The following ZNF827 variants were observed in gnomAD, a reference collection of about 807,000 sequenced individuals.
ZNF827 encodes zinc finger protein 827.
Under a neutral mutation model 102.4 loss-of-function variants are expected in ZNF827, and 13 were observed. The ratio of observed to expected loss-of-function variants is 0.13; its 90% confidence interval spans 0.08 to 0.20. The LOEUF is 0.20. Ranked by LOEUF, ZNF827 falls within the 10% of genes least tolerant of loss-of-function variation. The pLI, the probability that ZNF827 is intolerant of heterozygous loss-of-function variation, is 1.00. For synonymous variants in ZNF827, 523 were observed against 536.2 expected, an observed-to-expected ratio of 0.98 and a Z score of 0.34; for missense variants, 1,103 against 1,344.4, an observed-to-expected ratio of 0.82 and a Z score of 2.81.
chr4:145,787,880 G>C (rs1214284900), intron 8 of ZNF827, among the ~76,000 whole-genome samples: 2 of 152,140 alleles, frequency 1.3e-5, no homozygotes, highest in East Asian at 3.8e-4. Flanking sequence ...ATCTTGCACA[G>C]GGTCAAGTAA....
chr4:145,778,647 T>C (rs1361595472), intron 9 of ZNF827, among the ~76,000 whole-genome samples: 3 of 152,164 alleles, frequency 2.0e-5, no homozygotes, highest in African/African-American at 7.2e-5. Context: ...CTTGTCTTAT[T>C]AATACTTCCT....
intron 8 of ZNF827, among the ~76,000 whole-genome samples, chr4:145,782,457 C>G (rs1738227029): frequency 6.6e-6 from 1 of 152,174 alleles, no homozygotes; most frequent in Non-Finnish European, 1.5e-5. Flanking sequence ...ACTTTGGAAT[C>G]TTTTTTGATT....
chr4:145,898,642 TG>T (rs1751164650), intron 2 of ZNF827, among the ~76,000 whole-genome samples: 1 of 152,188 alleles, frequency 6.6e-6, no homozygotes, highest in Non-Finnish European at 1.5e-5. Context: ...TAGCATGTGC[TG>T]GGGGCGCAGG....
chr4:145,863,768 C>T (rs1235317498), intron 5 of ZNF827, among the ~76,000 whole-genome samples: 2 of 151,568 alleles, frequency 1.3e-5, no homozygotes, highest in Non-Finnish European at 2.9e-5. Flanking sequence ...CTCATGGGCT[C>T]GACATTTTTG....
Position 145,831,700 on chromosome 4 carries a change from C to A in ZNF827, c.2280-8175G>T, listed in dbSNP as rs192465020. 3 of 152,284 alleles carry A rather than the reference C, an allele frequency of 2.0e-5. No individual in the cohort carries two copies. In the East Asian group the frequency reaches 5.8e-4, roughly 29 times the overall value. 9.4% of individuals were successfully genotyped at this position (152,284 alleles called of 1,614,324 possible). On this transcript the variant is annotated intron_variant, in intron 7 of 14. Coordinates refer to ENST00000508784, the MANE Select transcript of ZNF827 (RefSeq NM_001306215.2). ...GATGTGAACTAGCATCATGGAAAAT[C>A]TCCTTACTTTTTAGAGATATATACC...
At chr4:145,874,412 T>C (rs2126775345) in intron 4 of ZNF827, among the ~76,000 whole-genome samples, 1 of 152,320 alleles carries the variant, frequency 6.6e-6, no homozygotes, top group Non-Finnish European at 1.5e-5. Context: ...CCCAAACATT[T>C]GGGTCTCAAT....
chr4:145,765,536 C>G lies in ZNF827; in HGVS notation c.3052+11G>C. The G allele has an allele frequency of 1.9e-6, 3 of 1,605,336 alleles. No homozygotes were observed. Among genetic ancestry groups the G allele is most frequent in the Non-Finnish European group, 2.6e-6 (3 of 1,175,600 alleles). ...GAGGGTTGAGCAGGCTCACACCCAC[C>G]TCCTCCTTACCTTTCTCTGGCTTTT... On this transcript the variant is annotated intron_variant, in intron 12 of 14. Coordinates refer to ENST00000508784, the MANE Select transcript of ZNF827 (RefSeq NM_001306215.2). The surrounding 1 kb of genome is among the most constrained non-coding windows in gnomAD (Gnocchi z 4.7).
At chr4:145,842,540 C>T (rs183651779) in intron 7 of ZNF827, among the ~76,000 whole-genome samples, 189 of 152,218 alleles carry the variant, frequency 1.2e-3, no homozygotes, top group Middle Eastern at 6.8e-3. Flanking sequence ...AGATAAATAA[C>T]GATAAACAAT....
At chr4:145,841,192 A>G (rs1274973829) in intron 7 of ZNF827, among the ~76,000 whole-genome samples, 2 of 152,320 alleles carry the variant, frequency 1.3e-5, no homozygotes, top group Non-Finnish European at 2.9e-5. Flanking sequence ...CATTGTTTGA[A>G]GTTCATGGTG....
chr4:145,901,700 G>T (rs146128402), intron 2 of ZNF827, among the ~76,000 whole-genome samples: 2 of 152,208 alleles, frequency 1.3e-5, no homozygotes. Context: ...AATTAGGGCA[G>T]AGTAGTTCCT....
At chr4:145,899,419 C>T (rs188196775) in intron 2 of ZNF827, among the ~76,000 whole-genome samples, 2 of 152,126 alleles carry the variant, frequency 1.3e-5, no homozygotes, top group East Asian at 1.9e-4. Context: ...CCCAGTAACA[C>T]CAAATCATGT....
At chr4:145,787,102 C>T (rs549897839) in intron 8 of ZNF827, among the ~76,000 whole-genome samples, 1 of 152,324 alleles carries the variant, frequency 6.6e-6, no homozygotes, top group East Asian at 1.9e-4. Flanking sequence ...AGGACCATTA[C>T]ACTCACCCAA....
At chr4:145,869,257 G>A (rs1031657190) in intron 5 of ZNF827, among the ~76,000 whole-genome samples, 1 of 152,170 alleles carries the variant, frequency 6.6e-6, no homozygotes. Context: ...TAACGACTAA[G>A]TAAATCACTG....
Position 145,765,448 on chromosome 4 carries a change from T to C in ZNF827, c.3052+99A>G. The C allele has an allele frequency of 7.2e-7, 1 of 1,389,166 alleles. No individual in the cohort carries two copies. The highest frequency in any genetic ancestry group is 2.3e-5 in the East Asian group (1 of 42,614). 86.1% of individuals were successfully genotyped at this position (1,389,166 alleles called of 1,614,324 possible). On this transcript the variant is annotated intron_variant, in intron 12 of 14. Coordinates refer to ENST00000508784, the MANE Select transcript of ZNF827 (RefSeq NM_001306215.2). The surrounding 1 kb of genome is among the most constrained non-coding windows in gnomAD (Gnocchi z 4.7). The stretch of plus-strand genomic sequence containing the variant: ...CCAGCATACTGCATCCTGGGCCTAT[T>C]ATCAGTTTTTGACATCGCTCCTGTG...
At chr4:145,817,270 G>A (rs1166536300) in intron 8 of ZNF827, among the ~76,000 whole-genome samples, 3 of 152,086 alleles carry the variant, frequency 2.0e-5, no homozygotes, top group Admixed American at 2.0e-4. Flanking sequence ...TAGCAGTAAA[G>A]CCCCTAGACT....
intron 8 of ZNF827, among the ~76,000 whole-genome samples, chr4:145,812,960 T>C (rs1328779127): frequency 1.3e-5 from 2 of 152,196 alleles, no homozygotes; most frequent in Non-Finnish European, 1.5e-5. Flanking sequence ...ATTCCACAAA[T>C]AAACATTTCA....
At chr4:145,884,774 T>G (rs1263749384) in intron 4 of ZNF827, among the ~76,000 whole-genome samples, 1 of 152,206 alleles carries the variant, frequency 6.6e-6, no homozygotes, top group South Asian at 2.1e-4. Context: ...ATAGAAAGAA[T>G]GTCAACTAAT....
chr4:145,827,592 G>C (rs1743816644), intron 7 of ZNF827, among the ~76,000 whole-genome samples: 1 of 152,196 alleles, frequency 6.6e-6, no homozygotes, highest in African/African-American at 2.4e-5. Flanking sequence ...GAGGTCGTTA[G>C]CTGTTTGTAA....
At chr4:145,863,935 T>C (rs1191815152) in intron 5 of ZNF827, among the ~76,000 whole-genome samples, 1 of 152,186 alleles carries the variant, frequency 6.6e-6, no homozygotes, top group Non-Finnish European at 1.5e-5. Context: ...GGCTCACCCC[T>C]GTAATCCTAG....
Sources: allele counts gnomAD v4.1 joint callset (sites outside exome capture counted in the v4.1 genomes callset), GRCh38; gene constraint gnomAD v4.1.1; non-coding constraint Gnocchi (gnomAD v3.1); transcripts MANE v1.5; gene names NCBI Gene and HGNC (gene_info 2026-07-23, HGNC 2026-07-21).